TMEM38B: variants seen among roughly 807,000 people sequenced by gnomAD.
TMEM38B encodes the protein trimeric intracellular cation channel type B.
A neutral mutation model predicts 28.7 loss-of-function variants in TMEM38B; 24 were observed. The observed-to-expected ratio is 0.84, with a 90% CI of 0.61 to 1.18. The LOEUF (loss-of-function observed/expected upper bound fraction) is 1.18. Ranked by LOEUF, TMEM38B falls within the 50% of genes most tolerant of loss-of-function variation. The probability of loss-of-function intolerance (pLI) is 0.00; values close to 1 mark genes in which losing one functional copy is unlikely to be tolerated. For missense variants in TMEM38B, 380 were observed against 350.9 expected (o/e 1.08, Z -0.66); for synonymous variants, 131 against 127.7 (o/e 1.03, Z -0.17).
At chr9:105,759,899 C>T (rs1297763014) in intron 5 of TMEM38B, 23 of 1,593,812 alleles carry the variant, frequency 1.4e-5, no homozygotes, top group African/African-American at 1.4e-5. Flanking sequence ...ATCAACACAC[C>T]AGTGGCTGAA....
At chr9:105,710,624 CCT>C in intron 2 of TMEM38B, 2 of 756,934 alleles carry the variant, frequency 2.6e-6, no homozygotes, top group Non-Finnish European at 4.9e-6. Flanking sequence ...AGAAGCAAAT[CCT>C]CTCTTGGATG....
chr9:105,729,298 T>C (rs1836642838), intron 4 of TMEM38B, among the ~76,000 whole-genome samples: 1 of 152,220 alleles, frequency 6.6e-6, no homozygotes. Context: ...TTTCTACATA[T>C]GGCTAGTCAG....
chr9:105,700,963 G>A (rs922645625), intron 1 of TMEM38B: 1 of 151,948 alleles, frequency 6.6e-6, no homozygotes, highest in Non-Finnish European at 1.5e-5. Flanking sequence ...GGTTCACATG[G>A]CCTGTGGAGG....
chr9:105,748,761 A>G (rs910185228), intron 5 of TMEM38B, among the ~76,000 whole-genome samples: 1 of 152,056 alleles, frequency 6.6e-6, no homozygotes, highest in African/African-American at 2.4e-5. Flanking sequence ...TGTTGAGAGG[A>G]TTGGAGAGGA....
intron 1 of TMEM38B, among the ~76,000 whole-genome samples, chr9:105,699,968 T>G (rs946242550): frequency 1.3e-5 from 2 of 152,230 alleles, no homozygotes; most frequent in African/African-American, 4.8e-5. Flanking sequence ...TAATCTATCT[T>G]ATCTTACATT....
At chr9:105,725,104 C>T (rs1413485463) in intron 4 of TMEM38B, among the ~76,000 whole-genome samples, 1 of 152,088 alleles carries the variant, frequency 6.6e-6, no homozygotes, top group Non-Finnish European at 1.5e-5. Context: ...TCTTAGATGG[C>T]TAACTCCCTT....
intron 1 of TMEM38B, among the ~76,000 whole-genome samples, chr9:105,696,573 T>A (rs917470390): frequency 2.0e-5 from 3 of 152,246 alleles, no homozygotes; most frequent in Admixed American, 2.0e-4. Context: ...AGAACAATTG[T>A]TGCATAGTGG....
At position 105,773,552 on chromosome 9, in the gene TMEM38B, A is replaced by G. The variant is rs975124892; in HGVS notation, c.661-313A>G. On this transcript the variant is annotated intron_variant, in intron 5 of 5. Transcript: ENST00000374692. ...GTAAAGCACTTATCTTCGTTCTGAC[A>G]CATGTTAAATGCATAGTGATGTTGA... is the stretch of plus-strand genomic sequence containing the variant. Among the ~76,000 whole-genome samples, 5 of 152,308 alleles carry G rather than the reference A, an allele frequency of 3.3e-5. No individual in the cohort carries two copies. The South Asian group carries it at 8.3e-4, about 25-fold the overall frequency.
At chr9:105,755,836 G>C (rs1290874566) in intron 5 of TMEM38B, among the ~76,000 whole-genome samples, 1 of 152,086 alleles carries the variant, frequency 6.6e-6, no homozygotes, top group Non-Finnish European at 1.5e-5. Flanking sequence ...CTTCCAGGCT[G>C]TTTATTACAA....
intron 2 of TMEM38B, among the ~76,000 whole-genome samples, chr9:105,715,114 T>C (rs1369535885): frequency 6.6e-6 from 1 of 152,208 alleles, no homozygotes; most frequent in African/African-American, 2.4e-5. Flanking sequence ...TTCTGTATTA[T>C]GCACACAGTA....
Position 105,705,602 on chromosome 9 carries a change from G to A in TMEM38B, c.118G>A (p.Ala40Thr), listed in dbSNP as rs1227704596. 6.2e-7 allele frequency: 1 copy of A among 1,612,216 alleles called. No homozygotes were observed. Among genetic ancestry groups the A allele is most frequent in the Non-Finnish European group, 8.5e-7 (1 of 1,179,140 alleles). The change falls in exon 2 of 6, where the codon GCT becomes ACT. Residue 40 changes from alanine (A) to threonine (T), a missense_variant. Coordinates refer to ENST00000374692, the MANE Select transcript of TMEM38B (RefSeq NM_018112.3). ...VMAVKRQPGA[A>T]ALAWKNPISS... The stretch of plus-strand genomic sequence containing the variant: ...ATTTTACTTTACCATTTCAGGAGCA[G>A]CTGCATTGGCATGGAAGAATCCTAT...
intron 1 of TMEM38B, among the ~76,000 whole-genome samples, chr9:105,704,713 CA>C (rs2133551494): frequency 6.6e-6 from 1 of 152,044 alleles, no homozygotes; most frequent in South Asian, 2.1e-4. Context: ...ATCACGAGAT[CA>C]GGAGTTTGAG....
At chr9:105,771,132 T>C (rs1826529791) in intron 5 of TMEM38B, among the ~76,000 whole-genome samples, 1 of 152,214 alleles carries the variant, frequency 6.6e-6, no homozygotes, top group South Asian at 2.1e-4. Context: ...TTTTCTTTTG[T>C]TTCATCTCCT....
chr9:105,704,393 T>A (rs1372445419), intron 1 of TMEM38B, among the ~76,000 whole-genome samples: 1 of 152,110 alleles, frequency 6.6e-6, no homozygotes, highest in African/African-American at 2.4e-5. Flanking sequence ...CGAGACCCTG[T>A]CTCAAAATAA....
intron 5 of TMEM38B, among the ~76,000 whole-genome samples, chr9:105,768,112 A>G (rs1810604691): frequency 1.3e-5 from 2 of 152,028 alleles, no homozygotes; most frequent in African/African-American, 4.8e-5. Flanking sequence ...TTTTATTTCT[A>G]GTTTGCTGAA....
chr9:105,746,115 G>C (rs542018562), intron 4 of TMEM38B, among the ~76,000 whole-genome samples: 1 of 152,072 alleles, frequency 6.6e-6, no homozygotes, highest in Non-Finnish European at 1.5e-5. Flanking sequence ...CAATTCTGTG[G>C]AGAAAGTCAT....
At chr9:105,714,169 A>G (rs1219949663) in intron 2 of TMEM38B, among the ~76,000 whole-genome samples, 1 of 151,864 alleles carries the variant, frequency 6.6e-6, no homozygotes, top group Non-Finnish European at 1.5e-5. Flanking sequence ...CTGCAGAGAC[A>G]ATGGGAGGAC....
At chr9:105,762,572 A>G (rs1456309182) in intron 5 of TMEM38B, among the ~76,000 whole-genome samples, 175 of 143,728 alleles carry the variant, frequency 1.2e-3, no homozygotes, top group African/African-American at 4.3e-3. Flanking sequence ...CCATGTCCCT[A>G]CAAAGGACAT....
chr9:105,721,929 T>G (rs376109682), intron 3 of TMEM38B, among the ~76,000 whole-genome samples: 5 of 152,294 alleles, frequency 3.3e-5, no homozygotes, highest in African/African-American at 1.2e-4. Context: ...GAGTGTCTTA[T>G]GATAGAAAAT....
Sources: allele counts gnomAD v4.1 joint callset (sites outside exome capture counted in the v4.1 genomes callset), GRCh38; gene constraint gnomAD v4.1.1; transcripts MANE v1.5; gene names NCBI Gene and HGNC (gene_info 2026-07-23, HGNC 2026-07-21).